FBLN1: variants seen among roughly 807,000 people sequenced by gnomAD.
FBLN1 encodes fibulin-1.
Under a neutral mutation model 89.7 loss-of-function variants are expected in FBLN1, and 34 were observed. The observed-to-expected ratio is 0.38, with a 90% confidence interval of 0.29 to 0.50. FBLN1 has a LOEUF of 0.50. Ranked by LOEUF, FBLN1 falls within the 20% of genes least tolerant of loss-of-function variation. FBLN1 has a pLI of 0.92. For missense variants in FBLN1, 777 were observed against 988.1 expected, an observed-to-expected ratio of 0.79 and a Z score of 2.86; for synonymous variants, 393 against 391.3, an observed-to-expected ratio of 1.00 and a Z score of -0.05.
intron 14 of FBLN1, among the ~76,000 whole-genome samples, chr22:45,567,321 G>C (rs533000944): frequency 1.2e-3 from 181 of 152,350 alleles, no homozygotes; most frequent in Admixed American, 1.9e-3. Context: ...AATGAAATAA[G>C]ATATGCAAAA....
At chr22:45,529,604 G>A (rs926497584) in intron 4 of FBLN1, among the ~76,000 whole-genome samples, 3 of 152,166 alleles carry the variant, frequency 2.0e-5, no homozygotes, top group African/African-American at 4.8e-5. Flanking sequence ...GGTGGCTCAC[G>A]CCTGTAATCC....
At chr22:45,598,287 T>C (rs3788672) in intron 16 of FBLN1, among the ~76,000 whole-genome samples, 5 of 152,084 alleles carry the variant, frequency 3.3e-5, no homozygotes, top group Admixed American at 6.5e-5. Context: ...ACTTTCAGTG[T>C]TGCCACGTGG....
rs2089026307 is a variant in FBLN1, at chr22:45,579,583, C to T, written c.1972+2475C>T. Among the ~76,000 whole-genome samples the T allele has an allele frequency of 6.6e-6, 1 of 152,194 alleles. No individual in the cohort carries two copies. The highest frequency in any genetic ancestry group is 1.5e-5 in the Non-Finnish European group (1 of 68,040). ...CCTGTAGCCCTGTGTGCTGGGGAGG[C>T]CCCTGCCTCTTCCACGCCTCGGTCT... On this transcript the variant is annotated intron_variant, in intron 16 of 16. Coordinates refer to ENST00000327858, the MANE Select transcript of FBLN1 (RefSeq NM_006486.3). The surrounding 1 kb of genome is among the most constrained non-coding windows in gnomAD (Gnocchi z 5.5).
chr22:45,587,014 C>T (rs539966960), intron 16 of FBLN1, among the ~76,000 whole-genome samples: 2 of 152,214 alleles, frequency 1.3e-5, no homozygotes, highest in Admixed American at 6.5e-5. Flanking sequence ...GGGACTCCTG[C>T]GAGGCATGTG....
chr22:45,539,915 T>C (rs914086278), intron 8 of FBLN1, among the ~76,000 whole-genome samples: 1 of 152,172 alleles, frequency 6.6e-6, no homozygotes, highest in African/African-American at 2.4e-5. Flanking sequence ...TGCTAAACGC[T>C]GCATTTATTC....
intron 4 of FBLN1, among the ~76,000 whole-genome samples, chr22:45,529,902 G>T (rs1323777469): frequency 1.3e-5 from 2 of 151,982 alleles, no homozygotes; most frequent in Non-Finnish European, 2.9e-5. Context: ...AGGTGGGGAG[G>T]TGCCGGAAGG....
intron 8 of FBLN1, among the ~76,000 whole-genome samples, chr22:45,540,103 T>C (rs947534438): frequency 2.6e-5 from 4 of 152,172 alleles, no homozygotes; most frequent in Non-Finnish European, 5.9e-5. Flanking sequence ...CAAAAGCAGG[T>C]GTAAGCCGGG....
rs1426641581 is a variant in FBLN1, at chr22:45,588,533, C to A, written c.1972+11425C>A. Among the ~76,000 whole-genome samples the A allele has an allele frequency of 6.6e-6, 1 of 152,124 alleles. No homozygotes were observed. The highest frequency in any genetic ancestry group is 1.5e-5 in the Non-Finnish European group (1 of 68,020). ...TATACACACACAGAACAGATGCACC[C>A]ACTGGGGTCACCCCAACCCAGCCCC... On this transcript the variant is annotated intron_variant, in intron 16 of 16. Transcript: ENST00000327858. This position sits in a 1 kb window ranked among gnomAD's most constrained non-coding sequence, Gnocchi z 5.1.
rs1286645789 is a variant in FBLN1 at position 45,581,603 on chromosome 22, T to C, written c.1972+4495T>C. Among the ~76,000 whole-genome samples the C allele has an allele frequency of 6.6e-6, 1 of 152,154 alleles. No individual in the cohort carries two copies. Among genetic ancestry groups the C allele is most frequent in the East Asian group, 1.9e-4 (1 of 5,178 alleles). On this transcript the variant is annotated intron_variant, in intron 16 of 16. Transcript: ENST00000327858. This position sits in a 1 kb window ranked among gnomAD's most constrained non-coding sequence, Gnocchi z 7.6. ...GGACGAATTTTGCATGTGGACCTCC[T>C]GACCCTTGGGCCTCCCGGGTTGCAG... is the stretch of plus-strand genomic sequence containing the variant.
intron 2 of FBLN1, among the ~76,000 whole-genome samples, chr22:45,520,873 T>G (rs937067803): frequency 1.3e-5 from 2 of 152,158 alleles, no homozygotes; most frequent in African/African-American, 4.8e-5. Context: ...TGGGGTGCAG[T>G]ATGTTGATCT....
At position 45,600,633 on chromosome 22, in the gene FBLN1, G is replaced by A; in HGVS notation, c.*187G>A. 4.3e-6 allele frequency: 3 copies of A among 703,742 alleles called. No homozygotes were observed. Among genetic ancestry groups the A allele is most frequent in the Non-Finnish European group, 7.5e-6 (3 of 400,646 alleles). 43.6% of individuals were successfully genotyped at this position (703,742 alleles called of 1,614,324 possible). A position where few individuals can be genotyped will look rare whatever the true frequency, so the allele number is the denominator to read the frequency against. On this transcript the variant is annotated 3_prime_UTR_variant, in exon 17 of 17. Transcript: ENST00000327858. Reference sequence around the variant, plus strand: ...GATGTATTTTCGGTGTTTAAAAAATGAGCCCAGTTGCTCAACTGTTTGGTT... The same window carrying A: ...GATGTATTTTCGGTGTTTAAAAAATAAGCCCAGTTGCTCAACTGTTTGGTT...
intron 14 of FBLN1, among the ~76,000 whole-genome samples, chr22:45,570,994 G>A (rs1356381573): frequency 1.1e-4 from 17 of 151,524 alleles, no homozygotes; most frequent in African/African-American, 3.9e-4. Flanking sequence ...GGTGGTGCAC[G>A]TCTGTAATCT....
At chr22:45,599,076 C>T (rs2089209693) in intron 16 of FBLN1, among the ~76,000 whole-genome samples, 2 of 152,322 alleles carry the variant, frequency 1.3e-5, no homozygotes, top group Admixed American at 6.5e-5. Context: ...GGCACCCACT[C>T]CCTTACCCGC....
chr22:45,527,826 G>A lies in FBLN1; in HGVS notation c.322-21G>A, dbSNP rs763014862. 8 of 1,613,168 alleles carry A rather than the reference G, an allele frequency of 5.0e-6. 1 individual carries two copies. The South Asian group carries it at 8.8e-5, about 18-fold the overall frequency. ...GCTGTCTGCCCGCTCCTCCATCTGGGATCTCCACCTGTGTTTGCAGAGGTG... is the reference window on the plus strand; with the variant it reads ...GCTGTCTGCCCGCTCCTCCATCTGGAATCTCCACCTGTGTTTGCAGAGGTG... On this transcript the variant is annotated intron_variant, in intron 3 of 16. Transcript: ENST00000327858.
At chr22:45,517,177 G>C (rs764067545) in intron 1 of FBLN1, among the ~76,000 whole-genome samples, 1 of 152,246 alleles carries the variant, frequency 6.6e-6, no homozygotes, top group African/African-American at 2.4e-5. Context: ...TTGTGTGTGC[G>C]GAAACGCTGC....
chr22:45,553,406 C>T (rs958060818), intron 14 of FBLN1, among the ~76,000 whole-genome samples: 5 of 152,320 alleles, frequency 3.3e-5, no homozygotes, highest in South Asian at 4.2e-4. Flanking sequence ...GGGGCGGGCT[C>T]GCCTATGCCC....
intron 1 of FBLN1, among the ~76,000 whole-genome samples, chr22:45,505,799 T>C (rs1372775682): frequency 2.6e-5 from 4 of 152,124 alleles, no homozygotes; most frequent in Non-Finnish European, 5.9e-5. Context: ...GAGACGGAGT[T>C]TCGCTCTTGT....
In FBLN1 at chr22:45,550,827, G is replaced by A; in HGVS notation, c.1697+212G>A. On this transcript the variant is annotated intron_variant, in intron 14 of 16. Transcript: ENST00000327858. The surrounding 1 kb of genome is among the most constrained non-coding windows in gnomAD (Gnocchi z 8.4). The stretch of plus-strand genomic sequence containing the variant: ...CAAGGGGGTAACTGCAAATGAGTCT[G>A]GGGTCTATAGTCATGTTTTCAGGCC... 1 of 660,692 alleles carries A rather than the reference G, an allele frequency of 1.5e-6. No homozygotes were observed. Among genetic ancestry groups the A allele is most frequent in the Non-Finnish European group, 2.7e-6 (1 of 373,252 alleles). The allele number at this position is 660,692 out of a possible 1,614,324, so 40.9% of individuals were successfully genotyped here.
chr22:45,576,827 C>T lies in FBLN1; in HGVS notation c.1841-150C>T. 1.1e-6 allele frequency: 1 copy of T among 911,100 alleles called. No homozygotes were observed. The highest frequency in any genetic ancestry group is 1.7e-6 in the Non-Finnish European group (1 of 578,964). 56.4% of individuals were successfully genotyped at this position (911,100 alleles called of 1,614,324 possible). The stretch of plus-strand genomic sequence containing the variant: ...GGTCCAGACCCCTCCACCCTCCCCA[C>T]ACAGGGGATCTCTGGCTTCATTGAT... On this transcript the variant is annotated intron_variant, in intron 15 of 16. Transcript: ENST00000327858. The surrounding 1 kb of genome is among the most constrained non-coding windows in gnomAD (Gnocchi z 5.2).
Sources: gnomAD v4.1 joint callset for allele counts (sites outside exome capture counted in the v4.1 genomes callset) on GRCh38, gnomAD v4.1.1 for gene constraint, Gnocchi (gnomAD v3.1) non-coding constraint, MANE v1.5 for transcripts, NCBI Gene and HGNC (gene_info 2026-07-23, HGNC 2026-07-21) for gene names.